PIEZO2: variants seen among roughly 807,000 people sequenced by gnomAD.
PIEZO2 encodes the protein piezo-type mechanosensitive ion channel component 2.
In PIEZO2, 172 loss-of-function variants were observed where a neutral mutation model predicts 337.3. That is an observed-to-expected ratio of 0.51 (90% confidence interval 0.45 to 0.58). PIEZO2 has a LOEUF of 0.58. Among genes scored for constraint, PIEZO2 ranks in the 20% least tolerant of loss-of-function variants. PIEZO2 has a pLI of 0.00. For synonymous variants in PIEZO2, 1,251 were observed against 1,228.5 expected, an observed-to-expected ratio of 1.02 and a Z score of -0.38; for missense variants, 3,028 against 3,391.3, an observed-to-expected ratio of 0.89 and a Z score of 2.66.
chr18:11,012,359 C>T (rs1429273726), intron 2 of PIEZO2, among the ~76,000 whole-genome samples: 1 of 152,146 alleles, frequency 6.6e-6, no homozygotes, highest in Non-Finnish European at 1.5e-5. Context: ...AATCTAAGTT[C>T]CAAGCATATA....
chr18:11,024,882 GC>G (rs538498242), intron 2 of PIEZO2, among the ~76,000 whole-genome samples: 5 of 151,594 alleles, frequency 3.3e-5, no homozygotes, highest in Non-Finnish European at 5.9e-5. Flanking sequence ...TAGGTGATCT[GC>G]CCCCCGTGGC....
In PIEZO2 at chr18:10,934,046, G is replaced by C. The variant is rs569390290; in HGVS notation, c.287-22818C>G. Among the ~76,000 whole-genome samples, 13 of 152,334 alleles carry C rather than the reference G, an allele frequency of 8.5e-5. No homozygotes were observed. In the South Asian group the frequency reaches 2.7e-3, roughly 32 times the overall value. On this transcript the variant is annotated intron_variant, in intron 3 of 55. Transcript: ENST00000674853. ...AGTCTTTATTTGCAGCATGAGAACA[G>C]ACTAATACAGGTGGTAACTCAGGTG...
chr18:10,965,441 C>T (rs1195338024), intron 3 of PIEZO2, among the ~76,000 whole-genome samples: 1 of 152,142 alleles, frequency 6.6e-6, no homozygotes, highest in Non-Finnish European at 1.5e-5. Flanking sequence ...CATTTGTACA[C>T]TGGAGTGAGG....
chr18:10,676,434 G>T lies in PIEZO2; in HGVS notation c.8082-1146C>A, dbSNP rs570966945. Reference sequence around the variant, plus strand: ...TTTTTTCTTGCTAGTTCATATATTAGAATCTAAACATCTCAGCTTTCATCT... The same window carrying T: ...TTTTTTCTTGCTAGTTCATATATTATAATCTAAACATCTCAGCTTTCATCT... On this transcript the variant is annotated intron_variant, in intron 53 of 55. Coordinates refer to ENST00000674853, the MANE Select transcript of PIEZO2 (RefSeq NM_001378183.1). This position sits in a 1 kb window ranked among gnomAD's most constrained non-coding sequence, Gnocchi z 5.1. Among the ~76,000 whole-genome samples the T allele has an allele frequency of 9.9e-5, 15 of 152,216 alleles. No individual in the cohort carries two copies. Among genetic ancestry groups the T allele is most frequent in the African/African-American group, 3.6e-4 (15 of 41,532 alleles).
At chr18:10,692,848 T>A (rs1406635991) in intron 47 of PIEZO2, among the ~76,000 whole-genome samples, 2 of 152,182 alleles carry the variant, frequency 1.3e-5, no homozygotes, top group African/African-American at 2.4e-5. Flanking sequence ...TTCTTCTAGA[T>A]CTTTTGCAAT....
Position 10,718,422 on chromosome 18 carries a change from T to C in PIEZO2, c.5030-163A>G, listed in dbSNP as rs367608737. Among the ~76,000 whole-genome samples the C allele has an allele frequency of 9.2e-5, 14 of 152,360 alleles. No individual in the cohort carries two copies. In the East Asian group the frequency reaches 2.7e-3, roughly 29 times the overall value. On this transcript the variant is annotated intron_variant, in intron 36 of 55. Transcript: ENST00000674853. Reference sequence around the variant, plus strand: ...GTTAGAATTCATAGCTCTTAGATTATTTTACTCCATGCCAGCATAAAAATT... The same window carrying C: ...GTTAGAATTCATAGCTCTTAGATTACTTTACTCCATGCCAGCATAAAAATT...
intron 2 of PIEZO2, among the ~76,000 whole-genome samples, chr18:11,024,414 C>T (rs1323185491): frequency 1.3e-5 from 2 of 150,878 alleles, no homozygotes; most frequent in South Asian, 2.1e-4. Context: ...GGCGTAGTGG[C>T]GGGCGCCTGT....
rs116656064 is a variant in PIEZO2, at chr18:11,147,281, G to T, written c.64+1244C>A. On this transcript the variant is annotated intron_variant, in intron 1 of 55. Transcript: ENST00000674853. ...CAGCATCCACCCGTGGGTCCCTCCT[G>T]CTGCCCCGGGACCCCGCCTGGCCAC... Among the ~76,000 whole-genome samples, 1,299 of 152,214 alleles carry T rather than the reference G, an allele frequency of 8.5e-3. 16 individuals are homozygous for T. Among genetic ancestry groups the T allele is most frequent in the African/African-American group, 0.029 (1,212 of 41,534 alleles).
intron 49 of PIEZO2, among the ~76,000 whole-genome samples, chr18:10,689,034 C>G (rs186623204): frequency 6.8e-4 from 104 of 152,260 alleles, no homozygotes; most frequent in African/African-American, 2.2e-3. Flanking sequence ...TACAGAGGAG[C>G]CTTTTTCAAG....
chr18:10,937,963 AG>A (rs2032500874), intron 3 of PIEZO2, among the ~76,000 whole-genome samples: 1 of 152,242 alleles, frequency 6.6e-6, no homozygotes, highest in South Asian at 2.1e-4. Context: ...AGTAGAGATG[AG>A]AGAAGTGGCT....
At chr18:10,937,883 T>C (rs1038885838) in intron 3 of PIEZO2, among the ~76,000 whole-genome samples, 8 of 152,210 alleles carry the variant, frequency 5.3e-5, no homozygotes, top group Admixed American at 1.3e-4. Flanking sequence ...TAAGTCACGT[T>C]AAAGTGTTCC....
Position 10,773,753 on chromosome 18 carries a change from G to A in PIEZO2, c.2568-124C>T. ...GCATGTACAAAGACCTCACAAGGTG[G>A]GGTGTTAGCGTTTTGTCACTTTCTT... On this transcript the variant is annotated intron_variant, in intron 19 of 55. Transcript: ENST00000674853. This position sits in a 1 kb window ranked among gnomAD's most constrained non-coding sequence, Gnocchi z 5.3. 2 of 892,180 alleles carry A rather than the reference G, an allele frequency of 2.2e-6. No individual in the cohort carries two copies. Among genetic ancestry groups the A allele is most frequent in the Non-Finnish European group, 3.4e-6 (2 of 594,366 alleles). The allele number at this position is 892,180 out of a possible 1,614,324, so 55.3% of individuals were successfully genotyped here.
At chr18:10,883,219 A>C (rs2042473665) in intron 4 of PIEZO2, among the ~76,000 whole-genome samples, 1 of 152,128 alleles carries the variant, frequency 6.6e-6, no homozygotes, top group Non-Finnish European at 1.5e-5. Context: ...ATAGTGCTGA[A>C]ATAAACAAGG....
chr18:10,895,382 G>T lies in PIEZO2; in HGVS notation c.329+15804C>A, dbSNP rs943991487. 8.6e-5 allele frequency among the ~76,000 whole-genome samples: 13 copies of T among 152,000 alleles called. No homozygotes were observed. Among genetic ancestry groups the T allele is most frequent in the African/African-American group, 2.9e-4 (12 of 41,358 alleles). On this transcript the variant is annotated intron_variant, in intron 4 of 55. Coordinates refer to ENST00000674853, the MANE Select transcript of PIEZO2 (RefSeq NM_001378183.1). This position sits in a 1 kb window ranked among gnomAD's most constrained non-coding sequence, Gnocchi z 4.8. The stretch of plus-strand genomic sequence containing the variant: ...AATCGCTTGAACCTGGGTGGCAGAG[G>T]TTGCAGTGAGCCGAGATTGCACCAC...
At chr18:10,777,610 C>G (rs1170121045) in intron 18 of PIEZO2, among the ~76,000 whole-genome samples, 1 of 152,172 alleles carries the variant, frequency 6.6e-6, no homozygotes, top group East Asian at 1.9e-4. Context: ...CTTTGAAAAG[C>G]TGCATAGTAA....
Position 10,726,714 on chromosome 18 carries a change from C to A in PIEZO2, c.5029+4693G>T. 7.0e-7 allele frequency: 1 copy of A among 1,431,552 alleles called. No homozygotes were observed. The allele number at this position is 1,431,552 out of a possible 1,614,324, so 88.7% of individuals were successfully genotyped here. The stretch of plus-strand genomic sequence containing the variant: ...AGGACCAGGTGTACCTGAACGGCAT[C>A]CTGTGCATTCTGGGACATCGCCAGA... On this transcript the variant is annotated intron_variant, in intron 36 of 55. Transcript: ENST00000674853. The surrounding 1 kb of genome is among the most constrained non-coding windows in gnomAD (Gnocchi z 5.9).
intron 3 of PIEZO2, among the ~76,000 whole-genome samples, chr18:10,918,419 T>C (rs11873584): frequency 0.021 from 3,120 of 152,168 alleles, 105 homozygotes; most frequent in African/African-American, 0.068. Flanking sequence ...AAGTATATGA[T>C]AATTGCTGTT....
At chr18:10,782,646 G>C (rs929465924) in intron 17 of PIEZO2, among the ~76,000 whole-genome samples, 1 of 150,074 alleles carries the variant, frequency 6.7e-6, no homozygotes, top group African/African-American at 2.5e-5. Context: ...AAAATTCACC[G>C]TTAAGGGAGT....
At chr18:10,845,995 C>T (rs1214475801) in intron 7 of PIEZO2, among the ~76,000 whole-genome samples, 1 of 152,168 alleles carries the variant, frequency 6.6e-6, no homozygotes, top group Non-Finnish European at 1.5e-5. Flanking sequence ...TGGATTGAGG[C>T]AGTGGGAGTG....
Sources: allele counts gnomAD v4.1 joint callset (sites outside exome capture counted in the v4.1 genomes callset), GRCh38; gene constraint gnomAD v4.1.1; non-coding constraint Gnocchi (gnomAD v3.1); transcripts MANE v1.5; gene names NCBI Gene and HGNC (gene_info 2026-07-23, HGNC 2026-07-21).